ALOX12: variants seen among roughly 807,000 people sequenced by gnomAD.
ALOX12 encodes the protein arachidonate 12-lipoxygenase, 12S type.
Under a neutral mutation model 85.5 loss-of-function variants are expected in ALOX12, and 62 were observed. The observed-to-expected ratio is 0.73, with a 90% CI of 0.59 to 0.90. The LOEUF (loss-of-function observed/expected upper bound fraction) is 0.90, where lower values mean the gene tolerates loss of function less well. ALOX12 is among the 40% of genes least tolerant of loss of function. ALOX12 has a pLI of 0.00. For missense variants in ALOX12, 751 were observed against 856.5 expected (o/e 0.88, Z 1.54); for synonymous variants, 299 against 332.7 (o/e 0.90, Z 1.10).
intron 6 of ALOX12, chr17:6,999,704 C>T (rs1483374338): frequency 6.0e-6 from 3 of 498,414 alleles, no homozygotes; most frequent in Middle Eastern, 5.6e-4. Flanking sequence ...GAGATGTTAG[C>T]AGGAACAGTG....
At chr17:6,998,376 G>A in intron 2 of ALOX12, 133 bp from the exon 3 acceptor site, 1 of 651,364 alleles carries the variant, frequency 1.5e-6, no homozygotes, top group Non-Finnish European at 2.7e-6. Context: ...AATCAAATGA[G>A]GCAAAGCCAG....
Position 7,010,123 on chromosome 17 carries a change from C to G in ALOX12, c.1809C>G (p.Asp603Glu), listed in dbSNP as rs748065511. 1.2e-6 allele frequency: 2 copies of G among 1,610,838 alleles called. No homozygotes were observed. The highest frequency in any genetic ancestry group is 1.7e-6 in the Non-Finnish European group (2 of 1,178,062). ...GGCATCTGAGTCGCCGCCAGCCAGA[C>G]ATGGTGAGAGGGGACTCTCGGGAGA... ...ISWHLSRRQP[D>E]MVPLGHHKEK... Residue 603 changes from aspartate to glutamate, a missense_variant, in exon 13 of 14, where the codon GAC (aspartate) becomes GAG (glutamate). Coordinates refer to ENST00000251535, the MANE Select transcript of ALOX12 (RefSeq NM_000697.3).
chr17:7,005,884 T>A lies in ALOX12; in HGVS notation c.1275T>A (p.His425Gln), dbSNP rs757414782. ...DKAVSTGGGG[H>Q]VQLLRRAAAQ... is the part of the protein sequence containing the mutation. ...CAGTGAGCACAGGTGGAGGGGGCCA[T>A]GTACAGTTGCTCCGTCGGGCGGCAG... is the stretch of plus-strand genomic sequence containing the variant. The change falls in exon 10 of 14, where the codon CAT (histidine) becomes CAA (glutamine). Residue 425 changes from histidine to glutamine, a missense_variant. His to Gln is a conservative substitution (Grantham distance 24). Coordinates refer to ENST00000251535, the MANE Select transcript of ALOX12 (RefSeq NM_000697.3). 6.2e-7 allele frequency: 1 copy of A among 1,612,588 alleles called. No individual in the cohort carries two copies. The highest frequency in any genetic ancestry group is 1.7e-5 in the Admixed American group (1 of 59,976).
rs562876027 is a variant in ALOX12 at position 7,006,450 on chromosome 17, G to T, written c.1419-36G>T. On this transcript the variant is annotated intron_variant, in intron 10 of 13. Coordinates refer to ENST00000251535, the MANE Select transcript of ALOX12 (RefSeq NM_000697.3). Reference sequence around the variant, plus strand: ...AGAGGAATAGAGGTCAGAGGCGGGGGCTTTCTGCCCTCAAGTGCCTTTTCC... The same window carrying T: ...AGAGGAATAGAGGTCAGAGGCGGGGTCTTTCTGCCCTCAAGTGCCTTTTCC... 10 of 1,612,076 alleles carry T rather than the reference G, an allele frequency of 6.2e-6. No homozygotes were observed. The Admixed American group carries it at 1.7e-4, about 27-fold the overall frequency.
chr17:7,002,659 T>C (rs1227335374), intron 8 of ALOX12: 1 of 363,468 alleles, frequency 2.8e-6, no homozygotes, highest in African/African-American at 2.1e-5. Flanking sequence ...ACTGTAATTT[T>C]ATAAAACAGT....
At chr17:7,009,213 C>A (rs1246559319) in intron 11 of ALOX12, among the ~76,000 whole-genome samples, 1 of 152,034 alleles carries the variant, frequency 6.6e-6, no homozygotes, top group African/African-American at 2.4e-5. Context: ...GTGCCCGCCA[C>A]CACACCTGGC....
chr17:7,006,658 C>T (rs201642836), intron 11 of ALOX12, 51 bp downstream of exon 11: 2,509 of 1,521,162 alleles, frequency 1.6e-3, no homozygotes, highest in Non-Finnish European at 2.0e-3. Flanking sequence ...TCTGCCAGGG[C>T]GCCTTCCCAG....
At position 7,010,260 on chromosome 17, in the gene ALOX12, A is replaced by G; in HGVS notation, c.1829A>G (p.His610Arg). The G allele has an allele frequency of 6.2e-7, 1 of 1,613,866 alleles. No individual in the cohort carries two copies. Among genetic ancestry groups the G allele is most frequent in the Non-Finnish European group, 8.5e-7 (1 of 1,179,914 alleles). ...RQPDMVPLGHHKEKYFSGPKP... is the reference protein window; with the variant it reads ...RQPDMVPLGHRKEKYFSGPKP... Reference sequence around the variant, plus strand: ...CTGTCTCAGGTGCCTCTGGGGCACCACAAAGAAAAATATTTCTCAGGCCCC... The same window carrying G: ...CTGTCTCAGGTGCCTCTGGGGCACCGCAAAGAAAAATATTTCTCAGGCCCC... The change falls in exon 14 of 14, where the codon CAC becomes CGC. Residue 610 changes from histidine to arginine, a missense_variant. By Grantham distance (29) the His-to-Arg change is conservative. Transcript: ENST00000251535.
intron 8 of ALOX12, chr17:7,002,138 C>T (rs1031510409): frequency 4.2e-5 from 15 of 359,826 alleles, no homozygotes; most frequent in African/African-American, 3.2e-4. Context: ...CCATAAGAAC[C>T]AACCAGAGAA....
intron 8 of ALOX12, among the ~76,000 whole-genome samples, chr17:7,004,708 C>T (rs1167160951): frequency 6.6e-6 from 1 of 152,072 alleles, no homozygotes; most frequent in Admixed American, 6.6e-5. Flanking sequence ...CCCCATCCAT[C>T]CCCTAAAGAA....
intron 10 of ALOX12, among the ~76,000 whole-genome samples, chr17:7,006,235 G>C (rs747389711): frequency 1.3e-5 from 2 of 151,566 alleles, no homozygotes; most frequent in Non-Finnish European, 2.9e-5. Context: ...GGGGAGCTGT[G>C]GGGGGAGACT....
chr17:7,010,298 G>A lies in ALOX12; in HGVS notation c.1867G>A (p.Val623Met). ...KYFSGPKPKAVLNQFRTDLEK... is the reference protein window; with the variant it reads ...KYFSGPKPKAMLNQFRTDLEK... ...TTTCTCAGGCCCCAAGCCCAAAGCT[G>A]TGCTAAACCAATTCCGAACAGATTT... Residue 623 changes from valine to methionine, a missense_variant, in exon 14 of 14, where the codon GTG becomes ATG. Val to Met is a conservative substitution (Grantham distance 21, BLOSUM62 1). Coordinates refer to ENST00000251535, the MANE Select transcript of ALOX12 (RefSeq NM_000697.3). 1.2e-6 allele frequency: 2 copies of A among 1,614,170 alleles called. No individual in the cohort carries two copies. Among genetic ancestry groups the A allele is most frequent in the Non-Finnish European group, 1.7e-6 (2 of 1,180,034 alleles).
intron 8 of ALOX12, among the ~76,000 whole-genome samples, chr17:7,003,237 A>AG (rs1241122648): frequency 1.3e-5 from 2 of 152,198 alleles, no homozygotes; most frequent in Non-Finnish European, 2.9e-5. Context: ...GATGCACACA[A>AG]GGGTCAAGCC....
intron 6 of ALOX12, among the ~76,000 whole-genome samples, chr17:6,999,964 G>A (rs1236532125): frequency 6.6e-6 from 1 of 152,182 alleles, no homozygotes. Flanking sequence ...TTTGAATAGG[G>A]AATGAAAGAG....
rs1201400268 is a variant in ALOX12, at chr17:6,996,828, G to C, written c.138G>C (p.Glu46Asp). 1.2e-6 allele frequency: 2 copies of C among 1,612,150 alleles called. No individual in the cohort carries two copies. The highest frequency in any genetic ancestry group is 3.3e-5 in the Admixed American group (2 of 59,942). Reference sequence around the variant, plus strand: ...TGGCCTGGGTCCGGCCTGCACAGGAGGAGGAGTTTGATCATGACGTTGCAG... The same window carrying C: ...TGGCCTGGGTCCGGCCTGCACAGGACGAGGAGTTTGATCATGACGTTGCAG... ...ELQLRPARGE[E>D]EEFDHDVAED... The change falls in exon 2 of 14, where the codon GAG becomes GAC. Residue 46 changes from glutamate (E) to aspartate (D), a missense_variant and splice_region_variant. Coordinates refer to ENST00000251535, the MANE Select transcript of ALOX12 (RefSeq NM_000697.3).
rs1908436853 is a variant in ALOX12 at position 6,996,343 on chromosome 17, T to TG, written c.135+96dup. 6 of 1,197,636 alleles carry TG rather than the reference T, an allele frequency of 5.0e-6. No homozygotes were observed. In the African/African-American group the frequency reaches 8.0e-5, roughly 16 times the overall value. 74.2% of individuals were successfully genotyped at this position (1,197,636 alleles called of 1,614,324 possible). The stretch of plus-strand genomic sequence containing the variant: ...GGCTCGCGGCGGGAGGGCGGGAGGC[T>TG]GGGGGCGAGGTGACAGCGCGACCTC... On this transcript the variant is annotated intron_variant, in intron 1 of 13. Transcript: ENST00000251535.
At chr17:6,997,196 T>G in intron 2 of ALOX12, 169 bp downstream of exon 2, 1,908 of 721,808 alleles carry the variant, frequency 2.6e-3, no homozygotes, top group Middle Eastern at 3.0e-3. Context: ...GAGTTATGAA[T>G]TCCCAAAGTT....
intron 9 of ALOX12, among the ~76,000 whole-genome samples, chr17:7,005,550 G>A (rs926324122): frequency 2.2e-5 from 3 of 133,656 alleles, no homozygotes; most frequent in South Asian, 2.5e-4. Context: ...GCGCCATCTC[G>A]GCTCACTGCC....
At position 7,001,653 on chromosome 17, in the gene ALOX12, G is replaced by A; in HGVS notation, c.1003G>A (p.Asp335Asn). Residue 335 changes from aspartate to asparagine, a missense_variant, in exon 8 of 14, where the codon GAC (aspartate) becomes AAC (asparagine). By Grantham distance (23) the Asp-to-Asn change is conservative (BLOSUM62 1). Coordinates refer to ENST00000251535, the MANE Select transcript of ALOX12 (RefSeq NM_000697.3). ...AACCCCAACACTGTTCCTGCCCTCA[G>A]ACCCCCCACTTGCCTGGCTCCTGGC... The part of the protein sequence containing the change: ...SPTPTLFLPS[D>N]PPLAWLLAKS... The A allele has an allele frequency of 6.2e-7, 1 of 1,614,090 alleles. No individual in the cohort carries two copies. Among genetic ancestry groups the A allele is most frequent in the Non-Finnish European group, 8.5e-7 (1 of 1,180,020 alleles).
Sources: gnomAD v4.1 joint callset for allele counts (sites outside exome capture counted in the v4.1 genomes callset) on GRCh38, gnomAD v4.1.1 for gene constraint, MANE v1.5 for transcripts, NCBI Gene and HGNC (gene_info 2026-07-23, HGNC 2026-07-21) for gene names.